The following PAH variants were observed in gnomAD, a reference collection of about 807,000 sequenced individuals.
PAH encodes the protein phenylalanine hydroxylase, also known as phenylalanine-4-hydroxylase.
Under a neutral mutation model 62.0 loss-of-function variants are expected in PAH, and 64 were observed. That is an observed-to-expected ratio of 1.03 (90% confidence interval 0.84 to 1.27). PAH has a LOEUF of 1.27. Among genes scored for constraint, PAH ranks in the 50% most tolerant of loss-of-function variants. The pLI, the probability that PAH is intolerant of heterozygous loss-of-function variation, is 0.00. For synonymous variants in PAH, 195 were observed against 196.2 expected, an observed-to-expected ratio of 0.99 and a Z score of 0.05; for missense variants, 579 against 542.8, an observed-to-expected ratio of 1.07 and a Z score of -0.66.
intron 4 of PAH, among the ~76,000 whole-genome samples, chr12:102,868,167 C>T (rs12307398): frequency 0.027 from 71 of 2,600 alleles, 5 homozygotes; most frequent in Admixed American, 0.09. Context: ...CATATATATA[C>T]ATATATGTGT....
intron 1 of PAH, among the ~76,000 whole-genome samples, chr12:102,926,331 T>G (rs928172071): frequency 6.6e-6 from 1 of 152,030 alleles, no homozygotes; most frequent in Admixed American, 6.6e-5. Flanking sequence ...GGAAGGGATT[T>G]CTGGTAGAGG....
intron 3 of PAH, among the ~76,000 whole-genome samples, chr12:102,889,180 T>A (rs1420614293): frequency 6.6e-6 from 1 of 152,188 alleles, no homozygotes; most frequent in East Asian, 1.9e-4. Context: ...TGTATTATCT[T>A]GCCCACAATC....
intron 5 of PAH, among the ~76,000 whole-genome samples, chr12:102,864,747 C>G (rs1349144079): frequency 6.9e-6 from 1 of 145,028 alleles, no homozygotes; most frequent in Non-Finnish European, 1.5e-5. Context: ...CAGTGAGTAT[C>G]GATTTTGGGG....
rs1048920123 is a variant in PAH at position 102,866,527 on chromosome 12, G to A, written c.509+69C>T. 1.1e-4 allele frequency: 131 copies of A among 1,203,342 alleles called. 1 individual carries two copies. The highest frequency in any genetic ancestry group is 4.2e-4 in the East Asian group (18 of 42,984). The allele number at this position is 1,203,342 out of a possible 1,614,324, so 74.5% of individuals were successfully genotyped here. On this transcript the variant is annotated intron_variant, in intron 5 of 12. Transcript: ENST00000553106. ...TGGTATTTTCCATCCTCAACTGGAT[G>A]AGGGCAAGGGAGAAGCAGGCTAGGG...
intron 1 of PAH, among the ~76,000 whole-genome samples, chr12:102,932,151 A>G (rs950403911): frequency 1.8e-4 from 28 of 152,066 alleles, no homozygotes; most frequent in African/African-American, 6.8e-4. Context: ...GGCCATCCCA[A>G]CCAAACCATT....
Position 102,866,567 on chromosome 12 carries a change from C to T in PAH, c.509+29G>A. Reference sequence around the variant, plus strand: ...GCAGGCTAGGGGTGTGTTTTTCTCTCTTCCCCTCAACAAGCAAGGCAGACT... The same window carrying T: ...GCAGGCTAGGGGTGTGTTTTTCTCTTTTCCCCTCAACAAGCAAGGCAGACT... On this transcript the variant is annotated intron_variant, in intron 5 of 12. Coordinates refer to ENST00000553106, the MANE Select transcript of PAH (RefSeq NM_000277.3). 3 of 1,589,922 alleles carry T rather than the reference C, an allele frequency of 1.9e-6. 1 individual carries two copies. The highest frequency in any genetic ancestry group is 2.2e-5 in the South Asian group (2 of 90,612).
chr12:102,903,339 G>A (rs1877837303), intron 2 of PAH, among the ~76,000 whole-genome samples: 1 of 150,002 alleles, frequency 6.7e-6, no homozygotes, highest in African/African-American at 2.5e-5. Flanking sequence ...GTAGCCTGGG[G>A]GATAGAGTGA....
intron 3 of PAH, among the ~76,000 whole-genome samples, chr12:102,886,395 T>C (rs983032309): frequency 6.6e-6 from 1 of 152,238 alleles, no homozygotes; most frequent in African/African-American, 2.4e-5. Context: ...TGTAGGGCTA[T>C]TTATTCCAAC....
intron 1 of PAH, chr12:102,950,536 A>C (rs561431416): frequency 6.6e-6 from 1 of 152,506 alleles, no homozygotes; most frequent in East Asian, 1.9e-4. Context: ...GACTTTGGGA[A>C]GGTGGTGATG....
At chr12:102,949,622 T>C (rs114733473) in intron 1 of PAH, among the ~76,000 whole-genome samples, 1 of 152,222 alleles carries the variant, frequency 6.6e-6, no homozygotes, top group African/African-American at 2.4e-5. Context: ...GGTGTGTGTA[T>C]GTTGAAATCA....
intron 1 of PAH, chr12:102,913,949 T>A (rs2136729603): frequency 1.5e-6 from 1 of 674,924 alleles, no homozygotes; most frequent in African/African-American, 1.8e-5. Flanking sequence ...AAGAAAAAAA[T>A]TTGCAGAACA....
chr12:102,919,655 T>C (rs1878507019), upstream of PAH, among the ~76,000 whole-genome samples: 1 of 152,060 alleles, frequency 6.6e-6, no homozygotes, highest in African/African-American at 2.4e-5. Flanking sequence ...ATGAATCAGA[T>C]TGTTTTGATT....
At position 102,851,104 on chromosome 12, in the gene PAH, G is replaced by GAAAGAA. The variant is rs869066889; in HGVS notation, c.912+577_912+582dup. The stretch of plus-strand genomic sequence containing the variant: ...ACCTTGCCTTAAAAGAAAAAAAAAA[G>GAAAGAA]AAAGAAAAAGAAAAAGAAAGCTTTT... On this transcript the variant is annotated intron_variant, in intron 8 of 12. Transcript: ENST00000553106. Among the ~76,000 whole-genome samples, 14 of 129,666 alleles carry GAAAGAA rather than the reference G, an allele frequency of 1.1e-4. No homozygotes were observed. The East Asian group carries it at 1.4e-3, about 13-fold the overall frequency. 85.1% of individuals were successfully genotyped at this position (129,666 alleles called of 152,430 possible).
At chr12:102,931,731 C>A (rs988374171) in intron 1 of PAH, among the ~76,000 whole-genome samples, 1 of 152,178 alleles carries the variant, frequency 6.6e-6, no homozygotes, top group Non-Finnish European at 1.5e-5. Flanking sequence ...TGCATTCAGC[C>A]TTTTTCCTTG....
At chr12:102,872,966 TA>T (rs909851673) in intron 4 of PAH, among the ~76,000 whole-genome samples, 3 of 151,852 alleles carry the variant, frequency 2.0e-5, no homozygotes, top group South Asian at 2.1e-4. Context: ...GAAACTCCAT[TA>T]AAAAAAACCA....
At chr12:102,908,830 C>T (rs1406315339) in intron 2 of PAH, among the ~76,000 whole-genome samples, 2 of 147,410 alleles carry the variant, frequency 1.4e-5, no homozygotes, top group African/African-American at 5.0e-5. Context: ...ATTTAGTCCT[C>T]ATGTCTCTTT....
chr12:102,904,251 G>A (rs560846948), intron 2 of PAH, among the ~76,000 whole-genome samples: 2 of 152,248 alleles, frequency 1.3e-5, no homozygotes, highest in South Asian at 2.1e-4. Flanking sequence ...GAATCCAAAC[G>A]GTTTGACTCT....
chr12:102,871,147 T>A (rs1251947998), intron 4 of PAH, among the ~76,000 whole-genome samples: 2 of 152,216 alleles, frequency 1.3e-5, no homozygotes, highest in Admixed American at 1.3e-4. Context: ...ATTTATAAAG[T>A]GCAAGTCTGG....
At chr12:102,871,942 AAAAAAAAATAT>A (rs1876352331) in intron 4 of PAH, among the ~76,000 whole-genome samples, 2 of 6,002 alleles carry the variant, frequency 3.3e-4, no homozygotes, top group Non-Finnish European at 5.0e-4. Flanking sequence ...AAAAAAAAAA[AAAAAAAAATAT>A]ATATATATAT....
Sources: gnomAD v4.1 joint callset for allele counts (sites outside exome capture counted in the v4.1 genomes callset) on GRCh38, gnomAD v4.1.1 for gene constraint, MANE v1.5 for transcripts, NCBI Gene and HGNC (gene_info 2026-07-23, HGNC 2026-07-21) for gene names.